Variants in PTK2 observed in about 807,000 individuals in gnomAD.
PTK2 encodes the protein protein tyrosine kinase 2, also known as focal adhesion kinase 1.
A neutral mutation model predicts 150.1 loss-of-function variants in PTK2; 45 were observed. The ratio of observed to expected loss-of-function variants is 0.30; its 90% CI spans 0.24 to 0.38. The LOEUF (loss-of-function observed/expected upper bound fraction) is 0.38, where lower values mean the gene tolerates loss of function less well. PTK2 is among the 10% of genes least tolerant of loss of function. The pLI is 1.00. For missense variants in PTK2, 919 were observed against 1,307.3 expected (o/e 0.70, Z 4.58); for synonymous variants, 432 against 449.2 (o/e 0.96, Z 0.48).
rs1271234435 is a variant in PTK2 at position 140,670,488 on chromosome 8, A to C, written c.2710-2064T>G. On this transcript the variant is annotated intron_variant, in intron 29 of 31. Coordinates refer to ENST00000522684, the Ensembl canonical transcript of PTK2. The stretch of plus-strand genomic sequence containing the variant: ...AAAAAAAAAAAAAAAAAAAAACAAC[A>C]ACACACACACACACACACACACACA... Among the ~76,000 whole-genome samples, 31 of 38,980 alleles carry C rather than the reference A, an allele frequency of 8.0e-4. 1 individual carries two copies. The highest frequency in any genetic ancestry group is 1.1e-3 in the African/African-American group (15 of 13,114). The allele number at this position is 38,980 out of a possible 152,430, so 25.6% of individuals were successfully genotyped here. A position where few individuals can be genotyped will look rare whatever the true frequency, so the allele number is the denominator to read the frequency against.
At position 140,704,306 on chromosome 8, in the gene PTK2, G is replaced by C. The variant is rs73369936; in HGVS notation, c.2230-1599C>G. On this transcript the variant is annotated intron_variant, in intron 24 of 31. Transcript: ENST00000522684. Reference sequence around the variant, plus strand: ...TTACAAGAGAGGAGAATTTGGGCTTGGGAAAGGTTAATCATACATTAGTTC... The same window carrying C: ...TTACAAGAGAGGAGAATTTGGGCTTCGGAAAGGTTAATCATACATTAGTTC... 4.2e-3 allele frequency among the ~76,000 whole-genome samples: 634 copies of C among 152,242 alleles called. 9 individuals carry two copies. Among genetic ancestry groups the C allele is most frequent in the African/African-American group, 0.014 (602 of 41,534 alleles).
At chr8:140,831,408 TA>T (rs1322437133) in intron 7 of PTK2, among the ~76,000 whole-genome samples, 1 of 152,194 alleles carries the variant, frequency 6.6e-6, no homozygotes, top group African/African-American at 2.4e-5. Context: ...CTATATCACA[TA>T]TAATAAACTG....
chr8:140,913,353 T>C (rs1442580164), intron 2 of PTK2, among the ~76,000 whole-genome samples: 1 of 150,908 alleles, frequency 6.6e-6, no homozygotes, highest in Non-Finnish European at 1.5e-5. Flanking sequence ...TGGAGTGCAA[T>C]GGTGCAATCT....
chr8:140,891,261 C>T (rs1339211428), intron 2 of PTK2, among the ~76,000 whole-genome samples: 1 of 152,020 alleles, frequency 6.6e-6, no homozygotes, highest in Admixed American at 6.6e-5. Context: ...AGGTCCCTGG[C>T]TTAACCAATT....
At chr8:140,890,618 A>G in exon 3 of PTK2, 3 of 1,614,130 alleles carry the variant, frequency 1.9e-6, no homozygotes, top group Non-Finnish European at 2.5e-6. Context: ...CAAAATAATG[A>G]AAGACCTTTA....
intron 2 of PTK2, among the ~76,000 whole-genome samples, chr8:140,902,938 T>TTTG (rs1568516359): frequency 7.3e-6 from 1 of 136,966 alleles, no homozygotes; most frequent in Non-Finnish European, 1.6e-5. Context: ...TTTTTTTTTT[T>TTTG]TTTTTTTTTT....
chr8:140,900,161 T>C (rs1001998813), intron 2 of PTK2, among the ~76,000 whole-genome samples: 1 of 152,122 alleles, frequency 6.6e-6, no homozygotes, highest in Non-Finnish European at 1.5e-5. Flanking sequence ...GTCAAATTAG[T>C]TTCGTTGACA....
chr8:140,716,760 A>G (rs1432796168), intron 23 of PTK2, among the ~76,000 whole-genome samples: 2 of 152,262 alleles, frequency 1.3e-5, no homozygotes, highest in Non-Finnish European at 2.9e-5. Context: ...CTAGTCAAAT[A>G]TCAAATGGTG....
chr8:140,982,337 G>A (rs200192156), intron 1 of PTK2, among the ~76,000 whole-genome samples: 3 of 152,220 alleles, frequency 2.0e-5, no homozygotes, highest in East Asian at 1.9e-4. Context: ...GGAGGCTCCC[G>A]CCTGTAATCC....
chr8:140,942,627 C>CGTGT (rs975180917), intron 1 of PTK2, among the ~76,000 whole-genome samples: 51 of 55,358 alleles, frequency 9.2e-4, no homozygotes, highest in Non-Finnish European at 2.9e-3. Flanking sequence ...TGAGTGCGTG[C>CGTGT]GTGTGTGTGT....
rs1475303683 is a variant in PTK2 at position 140,778,157 on chromosome 8, G to A, written c.1177+11317C>T. Among the ~76,000 whole-genome samples the A allele has an allele frequency of 5.9e-5, 9 of 152,318 alleles. No homozygotes were observed. In the South Asian group the frequency reaches 1.0e-3, roughly 18 times the overall value. On this transcript the variant is annotated intron_variant, in intron 14 of 31. Transcript: ENST00000522684. ...CTGACCAGGTAACAAGTGATAGAGG[G>A]TAGACTGGTAACAAATTAGACTTAA...
At chr8:140,694,233 G>A (rs1025687745) in intron 26 of PTK2, among the ~76,000 whole-genome samples, 1 of 151,894 alleles carries the variant, frequency 6.6e-6, no homozygotes, top group Admixed American at 6.6e-5. Context: ...AGTAGAGACG[G>A]GGTTTCACCA....
At chr8:140,770,875 T>G in intron 14 of PTK2, 76 bp from the exon 15 acceptor site, 1 of 621,088 alleles carries the variant, frequency 1.6e-6, no homozygotes, top group Non-Finnish European at 2.3e-6. Context: ...TTTTGTTACA[T>G]TTAAAGGCTT....
chr8:140,929,750 C>A (rs1463791809), intron 1 of PTK2, among the ~76,000 whole-genome samples: 1 of 131,486 alleles, frequency 7.6e-6, no homozygotes, highest in Non-Finnish European at 1.8e-5. Context: ...GATATGTGAC[C>A]CTGGCACTTT....
intron 31 of PTK2, chr8:140,662,559 T>C (rs1420199136): frequency 7.5e-6 from 3 of 402,102 alleles, no homozygotes; most frequent in Non-Finnish European, 1.3e-5. Context: ...CCCCATTTGG[T>C]TGGGATGTGA....
intron 16 of PTK2, among the ~76,000 whole-genome samples, chr8:140,756,516 G>A (rs1192493084): frequency 6.6e-6 from 1 of 150,968 alleles, no homozygotes; most frequent in Non-Finnish European, 1.5e-5. Context: ...TGAACAACGT[G>A]AAGAAACCCC....
chr8:140,775,753 C>A (rs1254576063), intron 14 of PTK2, among the ~76,000 whole-genome samples: 1 of 152,138 alleles, frequency 6.6e-6, no homozygotes, highest in Non-Finnish European at 1.5e-5. Context: ...AGGGCTCCAA[C>A]TTGAAGTCAG....
intron 4 of PTK2, among the ~76,000 whole-genome samples, chr8:140,869,310 T>C (rs546952837): frequency 1.4e-4 from 22 of 152,332 alleles, no homozygotes; most frequent in African/African-American, 5.1e-4. Flanking sequence ...GAACTAACTC[T>C]AAAGAACATG....
intron 2 of PTK2, 115 bp downstream of exon 2, chr8:140,925,546 T>A: frequency 1.6e-6 from 1 of 637,124 alleles, no homozygotes; most frequent in South Asian, 7.0e-5. Flanking sequence ...ATATTAGTCA[T>A]AATAAATCTA....
Sources: gnomAD v4.1 joint callset for allele counts (sites outside exome capture counted in the v4.1 genomes callset) on GRCh38, gnomAD v4.1.1 for gene constraint, MANE v1.5 for transcripts, NCBI Gene and HGNC (gene_info 2026-07-23, HGNC 2026-07-21) for gene names.